Variants in MMP28 observed in about 807,000 individuals in gnomAD.
MMP28 encodes matrix metalloproteinase-28.
A neutral mutation model predicts 60.5 loss-of-function variants in MMP28; 55 were observed. The ratio of observed to expected loss-of-function variants is 0.91; its 90% confidence interval spans 0.73 to 1.14. MMP28 has a LOEUF of 1.14. Ranked by LOEUF, MMP28 falls within the 50% of genes most tolerant of loss-of-function variation. The pLI is 0.00. For missense variants in MMP28, 686 were observed against 738.3 expected (o/e 0.93, Z 0.82); for synonymous variants, 318 against 312.5 (o/e 1.02, Z -0.18).
intron 4 of MMP28, among the ~76,000 whole-genome samples, chr17:35,770,714 A>ATGTGTGTGTGTGTGTGTG (rs56074641): frequency 1.0e-4 from 15 of 147,648 alleles, no homozygotes; most frequent in African/African-American, 3.7e-4. Context: ...TGAATAATAA[A>ATGTGTGTGTGTGTGTGTG]TGTGTGTGTG....
chr17:35,773,285 C>CTGAGACGT lies in MMP28; in HGVS notation c.491_498dup (p.Ala167ThrfsTer63), dbSNP rs765238368. 1 of 1,613,994 alleles carries CTGAGACGT rather than the reference C, an allele frequency of 6.2e-7. No homozygotes were observed. The highest frequency in any genetic ancestry group is 2.2e-5 in the East Asian group (1 of 44,874). ...GCTGGGGCCTCCCAGAACTCCAGCG[C>CTGAGACGT]TGAGACGTTGCTCCACAACTGGAAG... On this transcript the variant is annotated frameshift_variant, in exon 4 of 8. Transcript: ENST00000605424. LOFTEE classifies it high-confidence loss of function.
In MMP28 at chr17:35,766,240, G is replaced by A. The variant is rs1223852033; in HGVS notation, c.*260C>T. 15 of 1,266,958 alleles carry A rather than the reference G, an allele frequency of 1.2e-5. No individual in the cohort carries two copies. Among genetic ancestry groups the A allele is most frequent in the East Asian group, 9.0e-5 (3 of 33,334 alleles). 78.5% of individuals were successfully genotyped at this position (1,266,958 alleles called of 1,614,324 possible). ...AGGCCTGGGGAGGATAGAAGTCCTCGGAGGAAAGGGCCAAGGGATCTGGGA... is the reference window on the plus strand; with the variant it reads ...AGGCCTGGGGAGGATAGAAGTCCTCAGAGGAAAGGGCCAAGGGATCTGGGA... On this transcript the variant is annotated 3_prime_UTR_variant, in exon 8 of 8. Transcript: ENST00000605424. The surrounding 1 kb of genome is among the most constrained non-coding windows in gnomAD (Gnocchi z 4.3).
intron 1 of MMP28, among the ~76,000 whole-genome samples, chr17:35,786,704 A>AAAAAAAAAAAAAAAAAAAAAAC (rs2086660269): frequency 6.9e-6 from 1 of 144,652 alleles, no homozygotes; most frequent in African/African-American, 2.5e-5. Context: ...CTCTACAAAA[A>AAAAAAAAAAAAAAAAAAAAAAC]AAAAAAAAAA....
Position 35,767,711 on chromosome 17 carries a change from TCTCTAGGGCTCAGTTTTCCCCG to T in MMP28, c.1168+19_1168+40del. Reference sequence around the variant, plus strand: ...TTGACCTTGGGCAGGACACCTTCCCTCTCTAGGGCTCAGTTTTCCCCGCTGCCCCAGAGCCAGTACCTTTGAA... The same window carrying T: ...TTGACCTTGGGCAGGACACCTTCCCTCTGCCCCAGAGCCAGTACCTTTGAA... On this transcript the variant is annotated intron_variant, in intron 7 of 7. Coordinates refer to ENST00000605424, the MANE Select transcript of MMP28 (RefSeq NM_024302.5). The T allele has an allele frequency of 6.5e-7, 1 of 1,549,056 alleles. No individual in the cohort carries two copies.
chr17:35,778,837 G>T (rs2086408359), intron 3 of MMP28, 51 bp downstream of exon 3: 1 of 1,613,822 alleles, frequency 6.2e-7, no homozygotes, highest in African/African-American at 1.3e-5. Flanking sequence ...CTAGCCATTG[G>T]CTTCAAGACA....
intron 1 of MMP28, among the ~76,000 whole-genome samples, chr17:35,783,807 G>A (rs571292902): frequency 2.0e-5 from 3 of 152,126 alleles, no homozygotes; most frequent in African/African-American, 7.2e-5. Context: ...CTTTTTCAGG[G>A]GTCCCTCAGA....
At chr17:35,764,010 T>C, downstream of MMP28, 1 of 1,538,980 alleles carries the variant, frequency 6.5e-7, no homozygotes, top group Non-Finnish European at 8.8e-7. Context: ...CCCGCAGGTG[T>C]GAAGACCCCC....
At chr17:35,775,324 A>T (rs1410012543) in intron 3 of MMP28, among the ~76,000 whole-genome samples, 3 of 152,184 alleles carry the variant, frequency 2.0e-5, no homozygotes, top group African/African-American at 7.2e-5. Flanking sequence ...GCTCCCATGG[A>T]GAAAGCTAGC....
At chr17:35,776,356 A>C (rs1036109567) in intron 3 of MMP28, among the ~76,000 whole-genome samples, 4 of 151,242 alleles carry the variant, frequency 2.6e-5, no homozygotes, top group Admixed American at 6.6e-5. Context: ...TTGTATTTTT[A>C]GTAGAGACGG....
intron 1 of MMP28, among the ~76,000 whole-genome samples, chr17:35,788,835 G>A (rs1363277447): frequency 6.6e-6 from 1 of 152,134 alleles, no homozygotes; most frequent in Admixed American, 6.6e-5. Context: ...ATGATAGATA[G>A]AGCCCTTGGG....
chr17:35,763,875 C>T (rs2085874193), downstream of MMP28: 1 of 715,682 alleles, frequency 1.4e-6, no homozygotes, highest in African/African-American at 2.0e-5. Flanking sequence ...CTAGCCTGAG[C>T]TACAGAGAGA....
chr17:35,787,899 CTTTTTTT>C (rs532350874), intron 1 of MMP28, among the ~76,000 whole-genome samples: 227 of 104,424 alleles, frequency 2.2e-3, no homozygotes, highest in Non-Finnish European at 3.5e-3. Context: ...TTTTCTTTCC[CTTTTTTT>C]TTTTTTTTTT....
At chr17:35,764,692 A>G (rs2085901112), downstream of MMP28, 1 of 1,452,268 alleles carries the variant, frequency 6.9e-7, no homozygotes, top group Admixed American at 2.9e-5. Context: ...TCTCTCTTGG[A>G]GCGCGGAGCC....
chr17:35,779,371 C>T (rs2086433790), intron 1 of MMP28, 48 bp from the exon 2 acceptor site: 1 of 1,522,392 alleles, frequency 6.6e-7, no homozygotes, highest in South Asian at 1.2e-5. Flanking sequence ...CCTTTCCCCT[C>T]CCTTGGTCCC....
intron 1 of MMP28, among the ~76,000 whole-genome samples, chr17:35,783,522 A>T (rs1300983447): frequency 6.6e-6 from 1 of 152,190 alleles, no homozygotes; most frequent in Non-Finnish European, 1.5e-5. Context: ...CCAGGGAATT[A>T]ATGTCTCCTT....
Position 35,773,233 on chromosome 17 carries a change from G to A in MMP28, c.551C>T (p.Thr184Ile), listed in dbSNP as rs1172011145. The A allele has an allele frequency of 3.7e-6, 6 of 1,613,940 alleles. No individual in the cohort carries two copies. In the African/African-American group the frequency reaches 8.0e-5, roughly 22 times the overall value. The change falls in exon 4 of 8, where the codon ACC becomes ATC. Residue 184 changes from threonine (T) to isoleucine (I), a missense_variant. By Grantham distance (89) the Thr-to-Ile change is moderately conservative. Coordinates refer to ENST00000605424, the MANE Select transcript of MMP28 (RefSeq NM_024302.5). ...PATGPADIRL[T>I]FFQGDHNDGL... ...ATCGTTGTGGTCCCCTTGGAAGAAG[G>A]TGAGCCGGATGTCAGCGGGGCCTGT...
At chr17:35,761,152 G>T (rs2085810519), downstream of MMP28, among the ~76,000 whole-genome samples, 1 of 143,622 alleles carries the variant, frequency 7.0e-6, no homozygotes, top group South Asian at 2.2e-4. Context: ...CACCCAGACT[G>T]GAGTGCAGTG....
chr17:35,788,312 G>A (rs112078367), intron 1 of MMP28, among the ~76,000 whole-genome samples: 2 of 152,010 alleles, frequency 1.3e-5, no homozygotes, highest in Non-Finnish European at 2.9e-5. Flanking sequence ...TAACTATACC[G>A]TATGGACTCA....
chr17:35,785,540 C>T (rs557057520), intron 1 of MMP28, among the ~76,000 whole-genome samples: 3 of 152,186 alleles, frequency 2.0e-5, no homozygotes, highest in South Asian at 4.2e-4. Flanking sequence ...CTCCGCCTCC[C>T]GAGTTCACAC....
Sources: gnomAD v4.1 joint callset for allele counts (sites outside exome capture counted in the v4.1 genomes callset) on GRCh38, gnomAD v4.1.1 for gene constraint, Gnocchi (gnomAD v3.1) non-coding constraint, MANE v1.5 for transcripts, NCBI Gene and HGNC (gene_info 2026-07-23, HGNC 2026-07-21) for gene names.